RANBP3: variants seen among roughly 807,000 people sequenced by gnomAD.
The protein encoded by RANBP3 is ran-binding protein 3.
A neutral mutation model predicts 77.3 loss-of-function variants in RANBP3; 14 were observed. The ratio of observed to expected loss-of-function variants is 0.18; its 90% CI spans 0.12 to 0.28. The LOEUF is 0.28. RANBP3 is among the 10% of genes least tolerant of loss of function. RANBP3 has a pLI of 1.00. For missense variants in RANBP3, 586 were observed against 752.3 expected (o/e 0.78, Z 2.59); for synonymous variants, 315 against 312.4 (o/e 1.01, Z -0.09).
Position 5,916,143 on chromosome 19 carries a change from A to C in RANBP3, c.*1467T>G, listed in dbSNP as rs2057733851. 6.6e-6 allele frequency: 1 copy of C among 152,152 alleles called. No homozygotes were observed. The highest frequency in any genetic ancestry group is 1.5e-5 in the Non-Finnish European group (1 of 68,030). 9.4% of individuals were successfully genotyped at this position (152,152 alleles called of 1,614,324 possible). On this transcript the variant is annotated 3_prime_UTR_variant, in exon 17 of 17. Coordinates refer to ENST00000340578, the MANE Select transcript of RANBP3 (RefSeq NM_007322.3). ...TGGGGCATGCAGAGGCCAGGGTTTT[A>C]GTTAAAAGTTTAATGTAGTTCCCAA...
chr19:5,942,004 G>A (rs370809437), intron 3 of RANBP3, among the ~76,000 whole-genome samples, 169 bp from the exon 4 acceptor site: 10 of 152,252 alleles, frequency 6.6e-5, no homozygotes, highest in East Asian at 1.9e-4. Flanking sequence ...ACATCCCCCC[G>A]ATGAACCTCT....
chr19:5,923,769 T>C (rs2057861098), intron 12 of RANBP3, 43 bp downstream of exon 12: 4 of 1,502,264 alleles, frequency 2.7e-6, no homozygotes, highest in Non-Finnish European at 3.7e-6. Flanking sequence ...TCCCCCAAGA[T>C]GACCTACCAT....
intron 9 of RANBP3, among the ~76,000 whole-genome samples, chr19:5,926,877 G>GA (rs2057917542): frequency 6.6e-6 from 1 of 152,144 alleles, no homozygotes; most frequent in Admixed American, 6.5e-5. Context: ...TAACAGAAAG[G>GA]AAAGCAGAAA....
rs988778233 is a variant in RANBP3 at position 5,958,406 on chromosome 19, C to T, written c.23-433G>A. On this transcript the variant is annotated intron_variant, in intron 1 of 16. Transcript: ENST00000340578. This position sits in a 1 kb window ranked among gnomAD's most constrained non-coding sequence, Gnocchi z 4.4. ...GAGGGCAAAAAAAAGGGCCACCGCT[C>T]GCGCTGTTTGCAGACAGTTCTGGTA... Among the ~76,000 whole-genome samples the T allele has an allele frequency of 3.3e-5, 5 of 152,230 alleles. No homozygotes were observed. The highest frequency in any genetic ancestry group is 6.5e-5 in the Admixed American group (1 of 15,286).
intron 5 of RANBP3, among the ~76,000 whole-genome samples, chr19:5,938,941 T>G (rs926716286): frequency 6.6e-6 from 1 of 151,962 alleles, no homozygotes; most frequent in African/African-American, 2.4e-5. Flanking sequence ...TTCCAGTACT[T>G]TGGGAGGCCG....
chr19:5,929,327 C>G (rs1010735728), intron 8 of RANBP3, among the ~76,000 whole-genome samples: 1 of 152,258 alleles, frequency 6.6e-6, no homozygotes, highest in African/African-American at 2.4e-5. Flanking sequence ...CCCAGCCCCA[C>G]TGGGGCCGCC....
chr19:5,963,534 G>C (rs541933851), intron 1 of RANBP3, among the ~76,000 whole-genome samples: 1 of 152,360 alleles, frequency 6.6e-6, no homozygotes, highest in South Asian at 2.1e-4. Context: ...CTGGGTGACA[G>C]AGTGAGACCT....
chr19:5,942,130 C>G (rs1234070816), intron 3 of RANBP3, among the ~76,000 whole-genome samples: 1 of 152,188 alleles, frequency 6.6e-6, no homozygotes, highest in East Asian at 1.9e-4. Context: ...CCTGCCACCC[C>G]TAAACTCAAA....
At chr19:5,951,869 C>T (rs369560016) in intron 2 of RANBP3, among the ~76,000 whole-genome samples, 6 of 152,350 alleles carry the variant, frequency 3.9e-5, no homozygotes, top group East Asian at 1.9e-4. Flanking sequence ...GTTTCCAAAA[C>T]TATGGGCTGC....
At chr19:5,940,512 G>A (rs1478402719) in intron 5 of RANBP3, among the ~76,000 whole-genome samples, 6 of 152,186 alleles carry the variant, frequency 3.9e-5, no homozygotes, top group African/African-American at 7.2e-5. Context: ...GCAAAAAGAC[G>A]CGGCCATGTC....
intron 10 of RANBP3, 53 bp downstream of exon 10, chr19:5,925,581 C>T (rs758409075): frequency 4.2e-5 from 64 of 1,528,086 alleles, no homozygotes; most frequent in Middle Eastern, 3.5e-4. Context: ...CAGAAGCCCT[C>T]GCGGCCACCT....
At chr19:5,942,554 A>C (rs931685913) in intron 3 of RANBP3, among the ~76,000 whole-genome samples, 2 of 152,146 alleles carry the variant, frequency 1.3e-5, no homozygotes, top group Non-Finnish European at 2.9e-5. Flanking sequence ...AATACAAAAA[A>C]AAGTAGCTGG....
At chr19:5,922,771 C>G (rs555073856) in intron 13 of RANBP3, among the ~76,000 whole-genome samples, 1 of 152,276 alleles carries the variant, frequency 6.6e-6, no homozygotes, top group Non-Finnish European at 1.5e-5. Context: ...GAAACCCCGT[C>G]TCTACTAAAA....
At chr19:5,967,922 C>T (rs1025961652) in intron 1 of RANBP3, among the ~76,000 whole-genome samples, 12 of 152,098 alleles carry the variant, frequency 7.9e-5, no homozygotes, top group Non-Finnish European at 1.6e-4. Flanking sequence ...GAGGCTGAGA[C>T]CCAAGCATCA....
At chr19:5,972,583 A>G (rs2145285358) in intron 1 of RANBP3, among the ~76,000 whole-genome samples, 1 of 152,330 alleles carries the variant, frequency 6.6e-6, no homozygotes, top group Middle Eastern at 3.4e-3. Flanking sequence ...AGCCAAGCCA[A>G]TACCAGCCAT....
At chr19:5,955,027 C>A (rs1263599505) in intron 2 of RANBP3, among the ~76,000 whole-genome samples, 1 of 152,228 alleles carries the variant, frequency 6.6e-6, no homozygotes, top group East Asian at 1.9e-4. Flanking sequence ...AAGTGGGCAG[C>A]CCAACTCCCA....
rs2058138675 is a variant in RANBP3 at position 5,941,652 on chromosome 19, G to A, written c.375C>T (p.Ser125=). 10 of 1,613,680 alleles carry A rather than the reference G, an allele frequency of 6.2e-6. No homozygotes were observed. Among genetic ancestry groups the A allele is most frequent in the African/African-American group, 1.3e-5 (1 of 74,908 alleles). Residue 125 remains serine (S), a synonymous_variant, in exon 5 of 17, where the codon TCC becomes TCT. Transcript: ENST00000340578. ...GTGAGGGTGGGAACTGGGTTAAAGA[G>A]GATGTTCTTTCTCGCTTGACAGGAG... The part of the protein sequence containing the change: ...YCPPVKRERT[S]SLTQFPPSQS...
chr19:5,921,579 C>A lies in RANBP3; in HGVS notation c.1210-258G>T, dbSNP rs370513603. Among the ~76,000 whole-genome samples, 1 of 152,238 alleles carries A rather than the reference C, an allele frequency of 6.6e-6. No homozygotes were observed. The highest frequency in any genetic ancestry group is 2.4e-5 in the African/African-American group (1 of 41,460). The stretch of plus-strand genomic sequence containing the variant: ...AGAAGCCTCTCTGCGCACTCTAGGA[C>A]GGCTATACCCATGTGGGGAAGCTGG... On this transcript the variant is annotated intron_variant, in intron 13 of 16. Coordinates refer to ENST00000340578, the MANE Select transcript of RANBP3 (RefSeq NM_007322.3). This position sits in a 1 kb window ranked among gnomAD's most constrained non-coding sequence, Gnocchi z 5.3.
intron 13 of RANBP3, among the ~76,000 whole-genome samples, chr19:5,922,372 C>T (rs903959069): frequency 1.8e-4 from 28 of 152,128 alleles, no homozygotes; most frequent in African/African-American, 6.5e-4. Flanking sequence ...CTCTTAAGAA[C>T]GCCACGATAC....
Sources: allele counts gnomAD v4.1 joint callset (sites outside exome capture counted in the v4.1 genomes callset), GRCh38; gene constraint gnomAD v4.1.1; non-coding constraint Gnocchi (gnomAD v3.1); transcripts MANE v1.5; gene names NCBI Gene and HGNC (gene_info 2026-07-23, HGNC 2026-07-21).